NRF1: variants seen among roughly 807,000 people sequenced by gnomAD.
NRF1 encodes the protein alpha palindromic-binding protein.
A neutral mutation model predicts 58.5 loss-of-function variants in NRF1; 5 were observed. That is an observed-to-expected ratio of 0.09 (90% CI 0.04 to 0.18). NRF1 has a LOEUF of 0.18. Ranked by LOEUF, NRF1 falls within the 10% of genes least tolerant of loss-of-function variation. The pLI is 1.00. For synonymous variants in NRF1, 224 were observed against 246.7 expected (o/e 0.91, Z 0.86); for missense variants, 288 against 657.7 (o/e 0.44, Z 6.15).
chr7:129,656,228 G>A (rs1028926643), intron 1 of NRF1, among the ~76,000 whole-genome samples: 1 of 152,014 alleles, frequency 6.6e-6, no homozygotes, highest in African/African-American at 2.4e-5. Flanking sequence ...TATTTGATCA[G>A]CAAGTGACTG....
At chr7:129,732,482 G>C (rs535396919) in intron 10 of NRF1, among the ~76,000 whole-genome samples, 1 of 152,310 alleles carries the variant, frequency 6.6e-6, no homozygotes, top group Non-Finnish European at 1.5e-5. Flanking sequence ...TGCTAAGAAA[G>C]CATCAGCATT....
intron 10 of NRF1, among the ~76,000 whole-genome samples, chr7:129,747,359 A>T (rs1584693437): frequency 6.6e-6 from 1 of 152,104 alleles, no homozygotes; most frequent in East Asian, 1.9e-4. Context: ...TGTTATCTTT[A>T]ATCTTTACAT....
In NRF1 at chr7:129,633,363, T is replaced by C. The variant is rs144674368; in HGVS notation, c.-7+21539T>C. On this transcript the variant is annotated intron_variant, in intron 1 of 10. Coordinates refer to ENST00000393232, the MANE Select transcript of NRF1 (RefSeq NM_005011.5). ...AAGCCAGAATACTGTGGTGTGCTTA[T>C]AATTTTATCTTTTCTTGGCAACTTG... is the stretch of plus-strand genomic sequence containing the variant. 3.2e-4 allele frequency: 49 copies of C among 152,358 alleles called. 1 individual carries two copies. In the East Asian group the frequency reaches 8.1e-3, roughly 25 times the overall value. 9.4% of individuals were successfully genotyped at this position (152,358 alleles called of 1,614,324 possible).
At chr7:129,686,868 T>G (rs1036481454) in intron 4 of NRF1, among the ~76,000 whole-genome samples, 4 of 152,258 alleles carry the variant, frequency 2.6e-5, no homozygotes, top group African/African-American at 9.6e-5. Flanking sequence ...ACCTGTATTT[T>G]ATCTCATCTG....
intron 10 of NRF1, among the ~76,000 whole-genome samples, chr7:129,746,437 T>C (rs1002035643): frequency 2.0e-5 from 3 of 152,172 alleles, no homozygotes; most frequent in African/African-American, 7.2e-5. Flanking sequence ...CTTTACTGAT[T>C]TCCTGTTATC....
chr7:129,700,268 A>AT (rs1177569452), intron 5 of NRF1, among the ~76,000 whole-genome samples: 5 of 152,142 alleles, frequency 3.3e-5, no homozygotes, highest in Admixed American at 3.3e-4. Flanking sequence ...ATTTTACAAA[A>AT]TTTTTTTGAA....
At chr7:129,634,041 A>T (rs944397882) in intron 1 of NRF1, among the ~76,000 whole-genome samples, 18,287 of 113,400 alleles carry the variant, frequency 0.16, 1,437 homozygotes, top group African/African-American at 0.24. Flanking sequence ...AAAAAAAAAA[A>T]AGATATATAT....
At chr7:129,662,425 T>C (rs1801806732) in intron 2 of NRF1, among the ~76,000 whole-genome samples, 1 of 148,722 alleles carries the variant, frequency 6.7e-6, no homozygotes, top group African/African-American at 2.5e-5. Context: ...TGTGTGTGTT[T>C]CCTCCGAGAT....
chr7:129,717,293 G>GGCGGTGGCATCGTTGGCAGAGGCC lies in NRF1; in HGVS notation c.1143_1166dup (p.Ser384_Ala391dup). 1 of 1,614,046 alleles carries GGCGGTGGCATCGTTGGCAGAGGCC rather than the reference G, an allele frequency of 6.2e-7. No individual in the cohort carries two copies. The highest frequency in any genetic ancestry group is 8.5e-7 in the Non-Finnish European group (1 of 1,179,922). ...CGACGCAAGCATCAGAGGCCACCCA[G>GGCGGTGGCATCGTTGGCAGAGGCC]GCGGTGGCATCGTTGGCAGAGGCCG... On this transcript the variant is annotated inframe_insertion, in exon 9 of 11. Transcript: ENST00000393232.
At chr7:129,668,456 T>G (rs760940548) in intron 2 of NRF1, among the ~76,000 whole-genome samples, 2 of 152,246 alleles carry the variant, frequency 1.3e-5, no homozygotes, top group Non-Finnish European at 2.9e-5. Flanking sequence ...GCACTTCTAT[T>G]TAAATACTGG....
intron 1 of NRF1, among the ~76,000 whole-genome samples, chr7:129,637,118 T>C (rs2151065206): frequency 6.6e-6 from 1 of 152,264 alleles, no homozygotes; most frequent in East Asian, 1.9e-4. Context: ...ACTTGTGCTC[T>C]GGAGTTCTGA....
At chr7:129,619,079 GA>G (rs978540166) in intron 1 of NRF1, among the ~76,000 whole-genome samples, 2 of 151,220 alleles carry the variant, frequency 1.3e-5, no homozygotes, top group South Asian at 2.1e-4. Flanking sequence ...CAGGAGTGAA[GA>G]AAAAAAACTA....
At chr7:129,669,512 A>G (rs1330405123) in intron 2 of NRF1, among the ~76,000 whole-genome samples, 1 of 152,174 alleles carries the variant, frequency 6.6e-6, no homozygotes, top group Non-Finnish European at 1.5e-5. Context: ...TTAAAATTCA[A>G]CTTTGCACAT....
chr7:129,676,543 CACA>C (rs1264722608), intron 3 of NRF1, among the ~76,000 whole-genome samples: 1 of 152,238 alleles, frequency 6.6e-6, no homozygotes, highest in African/African-American at 2.4e-5. Context: ...TCAGAACACA[CACA>C]ACATTTATCA....
intron 5 of NRF1, among the ~76,000 whole-genome samples, chr7:129,692,985 C>T (rs1376293631): frequency 2.6e-5 from 4 of 152,198 alleles, no homozygotes; most frequent in African/African-American, 9.7e-5. Context: ...GTCTGTATAA[C>T]ACTTGTTACT....
intron 1 of NRF1, among the ~76,000 whole-genome samples, chr7:129,647,172 G>A (rs1411508844): frequency 6.6e-6 from 1 of 151,932 alleles, no homozygotes; most frequent in African/African-American, 2.4e-5. Flanking sequence ...AGAGTAGCTG[G>A]GATTACAGTC....
intron 3 of NRF1, among the ~76,000 whole-genome samples, chr7:129,673,242 T>C (rs1480988863): frequency 6.6e-5 from 10 of 152,064 alleles, no homozygotes; most frequent in Admixed American, 6.6e-4. Context: ...TAAGAGAGAA[T>C]AGGGAGAGAG....
At chr7:129,699,936 G>T (rs1289277108) in intron 5 of NRF1, among the ~76,000 whole-genome samples, 2 of 149,394 alleles carry the variant, frequency 1.3e-5, no homozygotes, top group Admixed American at 1.3e-4. Context: ...TCAGGAGTTT[G>T]AGACCAGCCT....
Position 129,710,506 on chromosome 7 carries a change from C to T in NRF1, c.898C>T (p.Leu300Phe). The T allele has an allele frequency of 6.2e-7, 1 of 1,607,054 alleles. No homozygotes were observed. Among genetic ancestry groups the T allele is most frequent in the Non-Finnish European group, 8.5e-7 (1 of 1,173,570 alleles). ...QATATHSIAH[L>F]VPSQTVVQTF... ...CACAGCCACACATAGTATAGCTCAT[C>T]TTGTACCATCACAGACTGTAGTCCA... The change falls in exon 7 of 11, where the codon CTT (leucine) becomes TTT (phenylalanine). Residue 300 changes from leucine to phenylalanine, a missense_variant. Physicochemically the swap from Leu to Phe is conservative, Grantham distance 22. Coordinates refer to ENST00000393232, the MANE Select transcript of NRF1 (RefSeq NM_005011.5).
Sources: allele counts gnomAD v4.1 joint callset (sites outside exome capture counted in the v4.1 genomes callset), GRCh38; gene constraint gnomAD v4.1.1; transcripts MANE v1.5; gene names NCBI Gene and HGNC (gene_info 2026-07-23, HGNC 2026-07-21).